Variants in MAGI2 observed in about 807,000 individuals in gnomAD.
MAGI2 encodes the protein membrane-associated guanylate kinase, WW and PDZ domain-containing protein 2.
In MAGI2, 35 loss-of-function variants were observed where a neutral mutation model predicts 133.3. The observed-to-expected ratio is 0.26, with a 90% CI of 0.20 to 0.35. The LOEUF (loss-of-function observed/expected upper bound fraction) is 0.35, where lower values mean the gene tolerates loss of function less well. Among genes scored for constraint, MAGI2 ranks in the 10% least tolerant of loss-of-function variants. The pLI is 1.00. For missense variants in MAGI2, 1,636 were observed against 1,863.4 expected (o/e 0.88, Z 2.25); for synonymous variants, 729 against 710.6 (o/e 1.03, Z -0.41).
intron 6 of MAGI2, among the ~76,000 whole-genome samples, chr7:78,390,748 T>C (rs1007541160): frequency 2.6e-5 from 4 of 152,182 alleles, no homozygotes; most frequent in Non-Finnish European, 5.9e-5. Flanking sequence ...ATCTTTTACA[T>C]TTTCCATGCC....
chr7:78,068,163 C>T (rs1299980143), intron 21 of MAGI2, among the ~76,000 whole-genome samples: 1 of 152,182 alleles, frequency 6.6e-6, no homozygotes. Flanking sequence ...ATCCTCAGAG[C>T]ATCAGGCATT....
intron 1 of MAGI2, among the ~76,000 whole-genome samples, chr7:79,428,984 T>C (rs1393576972): frequency 1.3e-5 from 2 of 152,126 alleles, no homozygotes; most frequent in African/African-American, 4.8e-5. Flanking sequence ...ATAAAAACAA[T>C]GATATAAGTA....
At chr7:78,891,334 T>G (rs1563631219) in intron 2 of MAGI2, among the ~76,000 whole-genome samples, 1 of 152,232 alleles carries the variant, frequency 6.6e-6, no homozygotes, top group African/African-American at 2.4e-5. Context: ...TCTGAAACTA[T>G]TCCAATCAAT....
At chr7:78,111,328 A>G (rs887031358) in intron 20 of MAGI2, among the ~76,000 whole-genome samples, 2 of 152,322 alleles carry the variant, frequency 1.3e-5, no homozygotes, top group Non-Finnish European at 2.9e-5. Context: ...ATGAATAATT[A>G]AAATCAAAGA....
Position 78,996,270 on chromosome 7 carries a change from G to A in MAGI2, c.418+10820C>T, listed in dbSNP as rs549333723. On this transcript the variant is annotated intron_variant, in intron 2 of 21. Coordinates refer to ENST00000354212, the MANE Select transcript of MAGI2 (RefSeq NM_012301.4). ...AAGAAGAGCTGAGGTAATGTGTGTT[G>A]TAAGATGTATGTCACCTAATGTTAA... 2.6e-5 allele frequency among the ~76,000 whole-genome samples: 4 copies of A among 152,266 alleles called. No homozygotes were observed. The South Asian group carries it at 6.2e-4, about 24-fold the overall frequency.
chr7:78,236,168 A>T (rs147728656), intron 10 of MAGI2, among the ~76,000 whole-genome samples: 1 of 152,136 alleles, frequency 6.6e-6, no homozygotes, highest in East Asian at 1.9e-4. Flanking sequence ...ACAAGAACTT[A>T]TCTTGTTAAC....
rs1313512364 is a variant in MAGI2, at chr7:78,259,698, C to A, written c.1409-3117G>T. Among the ~76,000 whole-genome samples the A allele has an allele frequency of 2.6e-5, 4 of 152,098 alleles. No individual in the cohort carries two copies. In the East Asian group the frequency reaches 7.7e-4, roughly 29 times the overall value. On this transcript the variant is annotated intron_variant, in intron 9 of 21. Transcript: ENST00000354212. ...CAAATGCCACTTCCTCTAAGGCTCTCCCTAACTTTAATCACTGTTAACAGA... is the reference window on the plus strand; with the variant it reads ...CAAATGCCACTTCCTCTAAGGCTCTACCTAACTTTAATCACTGTTAACAGA...
chr7:78,986,653 C>T (rs1322337539), intron 2 of MAGI2, among the ~76,000 whole-genome samples: 1 of 151,928 alleles, frequency 6.6e-6, no homozygotes, highest in Non-Finnish European at 1.5e-5. Flanking sequence ...TCACAGAGTG[C>T]TGGGATTACA....
rs866193030 is a variant in MAGI2 at position 79,157,951 on chromosome 7, T to A, written c.302-150745A>T. Among the ~76,000 whole-genome samples the A allele has an allele frequency of 7.1e-3, 1,040 of 145,728 alleles. 5 individuals carry two copies. Among genetic ancestry groups the A allele is most frequent in the East Asian group, 0.024 (116 of 4,926 alleles). ...CAGAATCTTTGTGTGAGTGTGTGTG[T>A]GTGTGTGTGTGTGTGTGTGTGTGTG... On this transcript the variant is annotated intron_variant, in intron 1 of 21. Coordinates refer to ENST00000354212, the MANE Select transcript of MAGI2 (RefSeq NM_012301.4).
intron 16 of MAGI2, among the ~76,000 whole-genome samples, chr7:78,152,420 A>C (rs563672063): frequency 1.3e-5 from 2 of 152,312 alleles, no homozygotes; most frequent in East Asian, 3.9e-4. Flanking sequence ...AGATATTTGT[A>C]TCAGGAGTGT....
At chr7:78,175,226 T>C (rs184035580) in intron 14 of MAGI2, among the ~76,000 whole-genome samples, 209 of 152,310 alleles carry the variant, frequency 1.4e-3, no homozygotes, top group South Asian at 6.8e-3. Context: ...AGAATAACTA[T>C]AGAAGGTGCT....
chr7:79,089,616 C>G (rs1306665375), intron 1 of MAGI2, among the ~76,000 whole-genome samples: 1 of 151,994 alleles, frequency 6.6e-6, no homozygotes, highest in Non-Finnish European at 1.5e-5. Flanking sequence ...CCATGGAATA[C>G]TATGCAACCA....
At chr7:78,747,528 A>G (rs1054503968) in intron 2 of MAGI2, among the ~76,000 whole-genome samples, 1 of 152,134 alleles carries the variant, frequency 6.6e-6, no homozygotes, top group African/African-American at 2.4e-5. Flanking sequence ...AAACCAGAAA[A>G]AAAAAATCAA....
At chr7:78,511,399 T>C (rs926915332) in intron 4 of MAGI2, among the ~76,000 whole-genome samples, 4 of 151,890 alleles carry the variant, frequency 2.6e-5, no homozygotes, top group Admixed American at 6.6e-5. Flanking sequence ...GAAGTCCAGA[T>C]TGTCAATTAT....
chr7:79,396,806 A>G (rs1332264191), intron 1 of MAGI2, among the ~76,000 whole-genome samples: 1 of 152,194 alleles, frequency 6.6e-6, no homozygotes, highest in East Asian at 1.9e-4. Context: ...TTTAATGTAA[A>G]CATTTACGTG....
chr7:79,101,495 T>C (rs1042207936), intron 1 of MAGI2, among the ~76,000 whole-genome samples: 54 of 151,784 alleles, frequency 3.6e-4, no homozygotes, highest in African/African-American at 1.3e-3. Flanking sequence ...GAGGCCGAGG[T>C]GGGCGGATCA....
At chr7:79,157,613 C>T (rs1460950543) in intron 1 of MAGI2, among the ~76,000 whole-genome samples, 1 of 150,830 alleles carries the variant, frequency 6.6e-6, no homozygotes, top group Non-Finnish European at 1.5e-5. Flanking sequence ...CAAGAACAAG[C>T]AGAATGACCC....
At chr7:78,050,282 G>T (rs1330401211) in intron 21 of MAGI2, among the ~76,000 whole-genome samples, 2 of 152,126 alleles carry the variant, frequency 1.3e-5, no homozygotes, top group Non-Finnish European at 2.9e-5. Flanking sequence ...GAACCTTAGG[G>T]ATCTCATATT....
At chr7:79,008,054 C>T (rs572913262) in intron 1 of MAGI2, among the ~76,000 whole-genome samples, 6 of 152,080 alleles carry the variant, frequency 3.9e-5, no homozygotes, top group Admixed American at 2.0e-4. Context: ...AAAGATTTAT[C>T]TTAAAACCTT....
Sources: allele counts gnomAD v4.1 joint callset (sites outside exome capture counted in the v4.1 genomes callset), GRCh38; gene constraint gnomAD v4.1.1; transcripts MANE v1.5; gene names NCBI Gene and HGNC (gene_info 2026-07-23, HGNC 2026-07-21).